The following NME7 variants were observed in gnomAD, a reference collection of about 807,000 sequenced individuals.
NME7 encodes the protein nucleoside diphosphate kinase 7.
NME7 carries 41 observed loss-of-function variants against 49.1 expected under a neutral mutation model. The ratio of observed to expected loss-of-function variants is 0.83; its 90% CI spans 0.65 to 1.08. The LOEUF is 1.08. Among genes scored for constraint, NME7 ranks in the 50% least tolerant of loss-of-function variants. The pLI is 0.00. For synonymous variants in NME7, 139 were observed against 150.6 expected, an observed-to-expected ratio of 0.92 and a Z score of 0.56; for missense variants, 423 against 463.4, an observed-to-expected ratio of 0.91 and a Z score of 0.80.
chr1:169,245,126 C>T (rs1648256464), intron 7 of NME7, among the ~76,000 whole-genome samples: 1 of 152,116 alleles, frequency 6.6e-6, no homozygotes, highest in Non-Finnish European at 1.5e-5. Context: ...AAGATTCTGT[C>T]TCAGAACAAC....
At chr1:169,319,677 C>T (rs1045836452) in intron 3 of NME7, among the ~76,000 whole-genome samples, 2 of 152,152 alleles carry the variant, frequency 1.3e-5, no homozygotes, top group Non-Finnish European at 2.9e-5. Context: ...ATTATACACA[C>T]AGTTGACTTC....
chr1:169,335,454 A>G (rs1652422067), intron 1 of NME7, among the ~76,000 whole-genome samples: 1 of 151,992 alleles, frequency 6.6e-6, no homozygotes, highest in Non-Finnish European at 1.5e-5. Context: ...AAACTAGCAC[A>G]CGAACAGAAA....
At chr1:169,135,782 T>G (rs1227981471) in intron 11 of NME7, among the ~76,000 whole-genome samples, 1 of 152,112 alleles carries the variant, frequency 6.6e-6, no homozygotes, top group African/African-American at 2.4e-5. Context: ...TAATTCTCTA[T>G]TTTTCTCTGA....
intron 7 of NME7, among the ~76,000 whole-genome samples, chr1:169,251,547 C>CTTTTTTTTTTTTT (rs36096137): frequency 8.1e-6 from 1 of 123,988 alleles, no homozygotes; most frequent in Non-Finnish European, 1.7e-5. Flanking sequence ...ACTCTGGTTT[C>CTTTTTTTTTTTTT]TTTTTTTTTT....
chr1:169,247,774 A>G (rs1021098093), intron 7 of NME7, among the ~76,000 whole-genome samples: 3 of 152,156 alleles, frequency 2.0e-5, no homozygotes, highest in Non-Finnish European at 2.9e-5. Context: ...ACTTAGAATA[A>G]TGGCTTCTAG....
intron 7 of NME7, among the ~76,000 whole-genome samples, chr1:169,243,908 T>C (rs538391690): frequency 1.7e-4 from 26 of 152,304 alleles, no homozygotes; most frequent in African/African-American, 6.0e-4. Context: ...TATGCCTTAA[T>C]AACTAGTAAG....
chr1:169,259,092 A>ATAAATTT (rs2101860934), intron 7 of NME7, among the ~76,000 whole-genome samples: 1 of 134,282 alleles, frequency 7.4e-6, no homozygotes, highest in East Asian at 2.0e-4. Context: ...AAAATATTGA[A>ATAAATTT]TACATTTTAC....
chr1:169,277,259 G>A (rs1164650167), intron 7 of NME7, among the ~76,000 whole-genome samples: 9 of 143,116 alleles, frequency 6.3e-5, no homozygotes, highest in African/African-American at 1.5e-4. Context: ...TTTCTGTCTC[G>A]TTGATCTGTC....
chr1:169,166,401 A>G (rs1361160433), intron 11 of NME7, among the ~76,000 whole-genome samples: 1 of 152,200 alleles, frequency 6.6e-6, no homozygotes. Flanking sequence ...ATCTTGGATT[A>G]TAACAGAAAA....
chr1:169,352,179 C>A (rs570323524), intron 1 of NME7, among the ~76,000 whole-genome samples: 2 of 151,688 alleles, frequency 1.3e-5, no homozygotes, highest in East Asian at 3.9e-4. Flanking sequence ...CAGAAATCTT[C>A]AAAAATGCTA....
At chr1:169,251,437 A>G (rs1648573613) in intron 7 of NME7, among the ~76,000 whole-genome samples, 1 of 151,590 alleles carries the variant, frequency 6.6e-6, no homozygotes, top group African/African-American at 2.4e-5. Flanking sequence ...CATTCTGCCA[A>G]TCTGTATCAT....
intron 11 of NME7, among the ~76,000 whole-genome samples, chr1:169,140,683 G>C (rs1658565458): frequency 6.6e-6 from 1 of 150,840 alleles, no homozygotes. Context: ...TCATTTTGTG[G>C]CTCCCAGAGA....
chr1:169,172,723 T>G (rs1377323927), intron 10 of NME7, among the ~76,000 whole-genome samples: 2 of 152,160 alleles, frequency 1.3e-5, no homozygotes, highest in Non-Finnish European at 2.9e-5. Flanking sequence ...TAAATCTACC[T>G]CACTCACACC....
chr1:169,323,278 A>G lies in NME7; in HGVS notation c.117T>C (p.Asp39=), dbSNP rs758716057. 36 of 1,594,898 alleles carry G rather than the reference A, an allele frequency of 2.3e-5. 1 individual carries two copies. In the South Asian group the frequency reaches 4.1e-4, roughly 18 times the overall value. The part of the protein sequence containing the change: ...YPGDGSVEMH[D]VKNHRTFLKR... ...TTAAAAAGGTGCGATGATTCTTTAC[A>G]TCATGCTAGAACCAGACACAACAAT... Residue 39 remains aspartate (D), a synonymous_variant, in exon 3 of 12, where the codon GAT becomes GAC. Transcript: ENST00000367811.
At chr1:169,281,895 T>A (rs1218420536) in intron 7 of NME7, among the ~76,000 whole-genome samples, 1 of 152,220 alleles carries the variant, frequency 6.6e-6, no homozygotes, top group Non-Finnish European at 1.5e-5. Context: ...TCAGGGATAT[T>A]GGCCTGAAAT....
intron 1 of NME7, among the ~76,000 whole-genome samples, chr1:169,356,609 C>G (rs1653476265): frequency 6.6e-6 from 1 of 152,036 alleles, no homozygotes; most frequent in Admixed American, 6.6e-5. Context: ...GAATAGTCAC[C>G]AACTCTGTGT....
At chr1:169,241,881 A>G (rs1648104457) in intron 7 of NME7, among the ~76,000 whole-genome samples, 1 of 151,814 alleles carries the variant, frequency 6.6e-6, no homozygotes, top group Admixed American at 6.6e-5. Context: ...AGACAGTACA[A>G]AAAACGAAAC....
chr1:169,159,042 C>T (rs183912728), intron 11 of NME7, among the ~76,000 whole-genome samples: 1 of 152,160 alleles, frequency 6.6e-6, no homozygotes, highest in African/African-American at 2.4e-5. Flanking sequence ...TTACTCACTT[C>T]CTTTCTAAAA....
At chr1:169,153,873 T>A (rs1006008060) in intron 11 of NME7, among the ~76,000 whole-genome samples, 10 of 151,910 alleles carry the variant, frequency 6.6e-5, no homozygotes, top group East Asian at 3.9e-4. Flanking sequence ...TAATTTTTTT[T>A]TTTTTTTTAT....
Sources: gnomAD v4.1 joint callset for allele counts (sites outside exome capture counted in the v4.1 genomes callset) on GRCh38, gnomAD v4.1.1 for gene constraint, MANE v1.5 for transcripts, NCBI Gene and HGNC (gene_info 2026-07-23, HGNC 2026-07-21) for gene names.